Variants in RETREG1 observed in about 807,000 individuals in gnomAD.
The protein encoded by RETREG1 is reticulophagy regulator 1.
In RETREG1, 44 loss-of-function variants were observed where a neutral mutation model predicts 54.8. That is an observed-to-expected ratio of 0.80 (90% CI 0.63 to 1.03). The LOEUF (loss-of-function observed/expected upper bound fraction) is 1.03. Ranked by LOEUF, RETREG1 falls within the 50% of genes least tolerant of loss-of-function variation. The probability of loss-of-function intolerance (pLI) is 0.00; values close to 1 mark genes in which losing one functional copy is unlikely to be tolerated. For missense variants in RETREG1, 554 were observed against 605.1 expected (o/e 0.92, Z 0.89); for synonymous variants, 217 against 238.5 (o/e 0.91, Z 0.83).
Position 16,475,128 on chromosome 5 carries a change from C to A in RETREG1, c.1107G>T (p.Leu369Phe), listed in dbSNP as rs1321800617. ...CCTTCTTTCTCTTGAGCTCAGTGGGCAAACCAAGGCTTAATTCATCTTCAT... is the reference window on the plus strand; with the variant it reads ...CCTTCTTTCTCTTGAGCTCAGTGGGAAAACCAAGGCTTAATTCATCTTCAT... ...TNDEDELSLGLPTELKRKKEQ... is the reference protein window; with the variant it reads ...TNDEDELSLGFPTELKRKKEQ... Residue 369 changes from leucine to phenylalanine, a missense_variant, in exon 9 of 9, where the codon TTG becomes TTT. Transcript: ENST00000306320. The A allele has an allele frequency of 1.9e-6, 3 of 1,613,940 alleles. No individual in the cohort carries two copies. Among genetic ancestry groups the A allele is most frequent in the Admixed American group, 1.7e-5 (1 of 59,942 alleles).
At chr5:16,504,048 T>G (rs1739841726) in intron 3 of RETREG1, among the ~76,000 whole-genome samples, 1 of 152,208 alleles carries the variant, frequency 6.6e-6, no homozygotes, top group South Asian at 2.1e-4. Context: ...CCTAATGCTC[T>G]CCCTCCCCCC....
chr5:16,590,310 G>A (rs973506552), intron 1 of RETREG1, among the ~76,000 whole-genome samples: 1 of 152,030 alleles, frequency 6.6e-6, no homozygotes, highest in African/African-American at 2.4e-5. Context: ...CAGCGCCTGC[G>A]GTAACAAAAA....
In RETREG1 at chr5:16,502,183, C is replaced by T. The variant is rs530729488; in HGVS notation, c.459-18711G>A. On this transcript the variant is annotated intron_variant, in intron 3 of 8. Transcript: ENST00000306320. ...ACATGTTAGCCAGGATGGTCTCGAT[C>T]TCCTGATCTCGTGATTCACCCACCT... Among the ~76,000 whole-genome samples the T allele has an allele frequency of 6.6e-5, 10 of 152,056 alleles. No homozygotes were observed. The East Asian group carries it at 2.0e-3, about 30-fold the overall frequency.
chr5:16,543,981 T>G (rs1336438939), intron 3 of RETREG1, among the ~76,000 whole-genome samples: 4 of 148,338 alleles, frequency 2.7e-5, no homozygotes, highest in Non-Finnish European at 6.0e-5. Context: ...TTTTTTTTTT[T>G]TTTTTTTTTT....
At chr5:16,522,451 T>G (rs1740565802) in intron 3 of RETREG1, among the ~76,000 whole-genome samples, 1 of 152,168 alleles carries the variant, frequency 6.6e-6, no homozygotes, top group Non-Finnish European at 1.5e-5. Flanking sequence ...GTCCAGTAAG[T>G]GGCTTCACTT....
intron 3 of RETREG1, among the ~76,000 whole-genome samples, chr5:16,489,925 T>C (rs934513278): frequency 6.6e-6 from 1 of 152,240 alleles, no homozygotes; most frequent in East Asian, 1.9e-4. Flanking sequence ...TGTTTTAGCA[T>C]ATACTAATGA....
Position 16,616,772 on chromosome 5 carries a change from G to A in RETREG1, c.200C>T (p.Ala67Val). Reference protein sequence around the residue: ...VEEAAGRAAAAVTWLLGEPVL... With the variant: ...VEEAAGRAAAVVTWLLGEPVL... ...CGGCTCCCCGAGCAGCCAGGTTACCGCGGCCGCCGCCCGGCCCGCGGCCTC... is the reference window on the plus strand; with the variant it reads ...CGGCTCCCCGAGCAGCCAGGTTACCACGGCCGCCGCCCGGCCCGCGGCCTC... The change falls in exon 1 of 9, where the codon GCG (alanine) becomes GTG (valine). Residue 67 changes from alanine (A) to valine (V), a missense_variant. Transcript: ENST00000306320. 1.3e-6 allele frequency: 2 copies of A among 1,541,330 alleles called. No homozygotes were observed. The highest frequency in any genetic ancestry group is 1.7e-6 in the Non-Finnish European group (2 of 1,151,254).
chr5:16,599,050 T>A (rs947349315), intron 1 of RETREG1, among the ~76,000 whole-genome samples: 1 of 151,864 alleles, frequency 6.6e-6, no homozygotes, highest in African/African-American at 2.4e-5. Context: ...CTACAAAAAA[T>A]TTTAAAAATT....
rs1003943486 is a variant in RETREG1 at position 16,473,804 on chromosome 5, A to G, written c.*937T>C. On this transcript the variant is annotated 3_prime_UTR_variant, in exon 9 of 9. Transcript: ENST00000306320. ...TCCTCTCCTCTATACAGGCTAAGAAAACAGAGTTATTATATCTTTATTGCT... is the reference window on the plus strand; with the variant it reads ...TCCTCTCCTCTATACAGGCTAAGAAGACAGAGTTATTATATCTTTATTGCT... The G allele has an allele frequency of 6.6e-6, 1 of 152,176 alleles. No homozygotes were observed. The highest frequency in any genetic ancestry group is 2.4e-5 in the African/African-American group (1 of 41,456). The allele number at this position is 152,176 out of a possible 1,614,324, so 9.4% of individuals were successfully genotyped here.
chr5:16,605,885 TA>T (rs1743174894), intron 1 of RETREG1, among the ~76,000 whole-genome samples: 1 of 152,170 alleles, frequency 6.6e-6, no homozygotes, highest in South Asian at 2.1e-4. Context: ...AATAGCCTCC[TA>T]AAGGCTCCAC....
intron 3 of RETREG1, among the ~76,000 whole-genome samples, chr5:16,522,735 T>C (rs1211172293): frequency 4.6e-5 from 7 of 152,190 alleles, no homozygotes; most frequent in Non-Finnish European, 7.3e-5. Context: ...CCGGGTGCAG[T>C]GGCTCATGTC....
intron 1 of RETREG1, among the ~76,000 whole-genome samples, chr5:16,577,242 C>G (rs937320977): frequency 6.6e-6 from 1 of 150,580 alleles, no homozygotes; most frequent in African/African-American, 2.4e-5. Flanking sequence ...TTTTGTGTAG[C>G]CTATAAGTTG....
At chr5:16,608,011 C>T (rs1191529141) in intron 1 of RETREG1, among the ~76,000 whole-genome samples, 1 of 152,156 alleles carries the variant, frequency 6.6e-6, no homozygotes, top group East Asian at 1.9e-4. Context: ...TCCCAAGTAA[C>T]TGGGATTACA....
intron 3 of RETREG1, among the ~76,000 whole-genome samples, chr5:16,525,501 C>A (rs963073824): frequency 3.3e-5 from 5 of 152,090 alleles, no homozygotes; most frequent in Admixed American, 1.3e-4. Flanking sequence ...AGTTACACAC[C>A]CCAAAGGCAC....
Position 16,616,977 on chromosome 5 carries a change from G to A in RETREG1, c.-6C>T. Reference sequence around the variant, plus strand: ...GGAGGCGCCGGGCTCGCCATCTTCAGCTGTGCTTCCAGACAGGGACGGGGC... The same window carrying A: ...GGAGGCGCCGGGCTCGCCATCTTCAACTGTGCTTCCAGACAGGGACGGGGC... On this transcript the variant is annotated 5_prime_UTR_variant, in exon 1 of 9. Transcript: ENST00000306320. The A allele has an allele frequency of 1.4e-6, 2 of 1,404,184 alleles. No individual in the cohort carries two copies. The highest frequency in any genetic ancestry group is 9.2e-7 in the Non-Finnish European group (1 of 1,081,214). 87.0% of individuals were successfully genotyped at this position (1,404,184 alleles called of 1,614,324 possible).
chr5:16,591,616 G>A (rs903177370), intron 1 of RETREG1, among the ~76,000 whole-genome samples: 22 of 152,294 alleles, frequency 1.4e-4, no homozygotes, highest in East Asian at 5.8e-4. Context: ...CAGCAGGTCC[G>A]CAGATCTCTG....
At chr5:16,541,739 G>GGGAGGGAAGGAAGGAAGGAA (rs1379256353) in intron 3 of RETREG1, among the ~76,000 whole-genome samples, 17 of 102,254 alleles carry the variant, frequency 1.7e-4, no homozygotes, top group East Asian at 9.1e-4. Context: ...GAGGGAGGGA[G>GGGAGGGAAGGAAGGAAGGAA]GGAAGGAAGG....
At chr5:16,496,914 C>T (rs1739486299) in intron 3 of RETREG1, among the ~76,000 whole-genome samples, 1 of 152,166 alleles carries the variant, frequency 6.6e-6, no homozygotes, top group African/African-American at 2.4e-5. Flanking sequence ...AATGAAATAA[C>T]ATGGCTGTGA....
intron 3 of RETREG1, among the ~76,000 whole-genome samples, chr5:16,550,062 T>C (rs1191104390): frequency 1.3e-5 from 2 of 152,102 alleles, no homozygotes; most frequent in East Asian, 1.9e-4. Context: ...CTCCCAGTTG[T>C]TCAGGTATTA....
Sources: gnomAD v4.1 joint callset for allele counts (sites outside exome capture counted in the v4.1 genomes callset) on GRCh38, gnomAD v4.1.1 for gene constraint, MANE v1.5 for transcripts, NCBI Gene and HGNC (gene_info 2026-07-23, HGNC 2026-07-21) for gene names.